The following ITPR1 variants were observed in gnomAD, a reference collection of about 807,000 sequenced individuals.
ITPR1 encodes the protein inositol 1,4,5-trisphosphate receptor type 1.
A neutral mutation model predicts 318.4 loss-of-function variants in ITPR1; 96 were observed. The observed-to-expected ratio is 0.30, with a 90% CI of 0.26 to 0.36. The LOEUF is 0.36. Among genes scored for constraint, ITPR1 ranks in the 10% least tolerant of loss-of-function variants. The probability of loss-of-function intolerance (pLI) is 1.00; values close to 1 mark genes in which losing one functional copy is unlikely to be tolerated. For synonymous variants in ITPR1, 1,312 were observed against 1,289.9 expected (o/e 1.02, Z -0.37); for missense variants, 2,440 against 3,460.2 (o/e 0.71, Z 7.40).
At chr3:4,809,736 G>A (rs992841878) in intron 55 of ITPR1, among the ~76,000 whole-genome samples, 1 of 152,050 alleles carries the variant, frequency 6.6e-6, no homozygotes, top group Non-Finnish European at 1.5e-5. Context: ...GGAAAAAATC[G>A]CTTGTCATTT....
rs143704056 is a variant in ITPR1 at position 4,677,639 on chromosome 3, G to A, written c.2967+838G>A. Among the ~76,000 whole-genome samples the A allele has an allele frequency of 1.1e-3, 172 of 152,290 alleles. 1 individual carries two copies. Among genetic ancestry groups the A allele is most frequent in the African/African-American group, 4.1e-3 (169 of 41,548 alleles). On this transcript the variant is annotated intron_variant, in intron 24 of 61. Coordinates refer to ENST00000649015, the MANE Select transcript of ITPR1 (RefSeq NM_001378452.1). ...GGGGAGTAAATATATATAGCTTCTT[G>A]GACAGATTGCCTGTAAGGATGCACA...
intron 40 of ITPR1, among the ~76,000 whole-genome samples, chr3:4,718,589 G>A (rs927257210): frequency 9.2e-5 from 14 of 152,218 alleles, no homozygotes; most frequent in African/African-American, 3.4e-4. Flanking sequence ...CACACAGCTA[G>A]ACAGTGACTA....
intron 44 of ITPR1, among the ~76,000 whole-genome samples, chr3:4,760,990 G>A (rs891028333): frequency 7.2e-5 from 11 of 152,170 alleles, no homozygotes; most frequent in African/African-American, 1.7e-4. Context: ...ACATGTCTGC[G>A]GGGACCATTC....
chr3:4,847,254 ATTC>A lies in ITPR1; in HGVS notation c.*1034_*1036del, dbSNP rs2106560375. Reference sequence around the variant, plus strand: ...AGTCATAGTTGACCACAGACATGTTATTCTTCTGAAAGAGCCACATTTTGGTTT... The same window carrying A: ...AGTCATAGTTGACCACAGACATGTTATTCTGAAAGAGCCACATTTTGGTTT... On this transcript the variant is annotated 3_prime_UTR_variant, in exon 62 of 62. Coordinates refer to ENST00000649015, the MANE Select transcript of ITPR1 (RefSeq NM_001378452.1). 1 of 152,772 alleles carries A rather than the reference ATTC, an allele frequency of 6.5e-6. No homozygotes were observed. Among genetic ancestry groups the A allele is most frequent in the African/African-American group, 2.4e-5 (1 of 41,592 alleles). The allele number at this position is 152,772 out of a possible 1,614,324, so 9.5% of individuals were successfully genotyped here.
At chr3:4,537,241 A>T (rs1377551418) in intron 4 of ITPR1, among the ~76,000 whole-genome samples, 2 of 152,348 alleles carry the variant, frequency 1.3e-5, no homozygotes, top group Non-Finnish European at 2.9e-5. Flanking sequence ...TTGGTAGAAC[A>T]CGTGAGTAAA....
intron 60 of ITPR1, among the ~76,000 whole-genome samples, chr3:4,828,338 C>G (rs1408326082): frequency 6.6e-6 from 1 of 152,190 alleles, no homozygotes; most frequent in African/African-American, 2.4e-5. Flanking sequence ...TGGCATATTT[C>G]TTAGCTAATT....
At chr3:4,623,469 G>A (rs1346444646) in intron 4 of ITPR1, among the ~76,000 whole-genome samples, 2 of 152,088 alleles carry the variant, frequency 1.3e-5, no homozygotes, top group African/African-American at 4.8e-5. Flanking sequence ...TTTCTTTGGG[G>A]TGAGTTCAAA....
intron 44 of ITPR1, among the ~76,000 whole-genome samples, chr3:4,766,156 A>G (rs2045803590): frequency 6.6e-6 from 1 of 152,208 alleles, no homozygotes; most frequent in Non-Finnish European, 1.5e-5. Context: ...CCTTAAACAA[A>G]TGATTGGCCC....
rs985450075 is a variant in ITPR1 at position 4,501,086 on chromosome 3, T to A, written c.-17+6580T>A. Among the ~76,000 whole-genome samples, 4 of 152,046 alleles carry A rather than the reference T, an allele frequency of 2.6e-5. No homozygotes were observed. In the South Asian group the frequency reaches 8.3e-4, roughly 32 times the overall value. On this transcript the variant is annotated intron_variant, in intron 2 of 61. Transcript: ENST00000649015. ...TGTATTGTCCAGGTTGGCCTTGAAC[T>A]TCTAGGCTCAAACGATCCTCTCGCC...
intron 11 of ITPR1, among the ~76,000 whole-genome samples, chr3:4,653,533 G>A (rs186313356): frequency 9.9e-4 from 151 of 152,294 alleles, no homozygotes; most frequent in African/African-American, 3.5e-3. Flanking sequence ...GCTAAAAATA[G>A]GATTATCAGT....
In ITPR1 at chr3:4,847,468, T is replaced by C. The variant is rs763988611; in HGVS notation, c.*1243T>C. The C allele has an allele frequency of 1.3e-5, 2 of 151,940 alleles. No homozygotes were observed. Among genetic ancestry groups the C allele is most frequent in the Non-Finnish European group, 2.9e-5 (2 of 67,966 alleles). 9.4% of individuals were successfully genotyped at this position (151,940 alleles called of 1,614,324 possible). A position where few individuals can be genotyped will look rare whatever the true frequency, so the allele number is the denominator to read the frequency against. On this transcript the variant is annotated 3_prime_UTR_variant, in exon 62 of 62. Transcript: ENST00000649015. ...AATGAGTAAAGTTTGTAAATGCATA[T>C]ATAAAAATATTTAATAAATGATGCA...
At chr3:4,719,690 C>A (rs139545896) in intron 40 of ITPR1, among the ~76,000 whole-genome samples, 1 of 152,318 alleles carries the variant, frequency 6.6e-6, no homozygotes, top group Non-Finnish European at 1.5e-5. Context: ...AAGTACAATG[C>A]CTACTGAGGC....
At chr3:4,689,691 C>G (rs1455938627) in intron 31 of ITPR1, among the ~76,000 whole-genome samples, 1 of 152,128 alleles carries the variant, frequency 6.6e-6, no homozygotes, top group Admixed American at 6.5e-5. Context: ...ATATAAAACT[C>G]AATAACTGTG....
intron 4 of ITPR1, among the ~76,000 whole-genome samples, chr3:4,619,438 T>C (rs1371694887): frequency 2.0e-5 from 3 of 151,882 alleles, no homozygotes; most frequent in Non-Finnish European, 4.4e-5. Context: ...CCCCCTTTCC[T>C]TCCTTTCCTT....
In ITPR1 at chr3:4,618,626, C is replaced by T. The variant is rs141408581; in HGVS notation, c.164-9137C>T. The stretch of plus-strand genomic sequence containing the variant: ...CTTTATTTGCATAGCTCTTTTGTAG[C>T]GTTTACCGAGTCTTCCCTCTCTCCA... On this transcript the variant is annotated intron_variant, in intron 4 of 61. Coordinates refer to ENST00000649015, the MANE Select transcript of ITPR1 (RefSeq NM_001378452.1). 2.9e-3 allele frequency among the ~76,000 whole-genome samples: 444 copies of T among 152,254 alleles called. 4 individuals carry two copies. Among genetic ancestry groups the T allele is most frequent in the African/African-American group, 0.01 (416 of 41,528 alleles).
intron 21 of ITPR1, 146 bp from the exon 22 acceptor site, chr3:4,674,056 G>C (rs971736501): frequency 1.7e-6 from 1 of 597,554 alleles, no homozygotes; most frequent in Non-Finnish European, 2.9e-6. Flanking sequence ...TATAGTTGGT[G>C]ATATATGCTA....
At chr3:4,821,165 G>A (rs2049689873) in intron 60 of ITPR1, among the ~76,000 whole-genome samples, 1 of 152,260 alleles carries the variant, frequency 6.6e-6, no homozygotes, top group Admixed American at 6.5e-5. Flanking sequence ...AGAGATGGAA[G>A]GAAAAGCAGG....
intron 4 of ITPR1, among the ~76,000 whole-genome samples, chr3:4,615,410 C>T (rs1303489832): frequency 4.0e-5 from 5 of 123,904 alleles, no homozygotes; most frequent in African/African-American, 1.2e-4. Flanking sequence ...GAGTTTTGCT[C>T]TTGTTGCCCA....
intron 12 of ITPR1, among the ~76,000 whole-genome samples, chr3:4,655,509 G>T (rs952869473): frequency 7.9e-5 from 12 of 152,106 alleles, no homozygotes; most frequent in African/African-American, 2.9e-4. Context: ...TATACAAGTG[G>T]CATTTTTCAG....
Sources: gnomAD v4.1 joint callset for allele counts (sites outside exome capture counted in the v4.1 genomes callset) on GRCh38, gnomAD v4.1.1 for gene constraint, MANE v1.5 for transcripts, NCBI Gene and HGNC (gene_info 2026-07-23, HGNC 2026-07-21) for gene names.